C11orf65: variants seen among roughly 807,000 people sequenced by gnomAD.
C11orf65 encodes the protein protein MFI.
C11orf65 carries 38 observed loss-of-function variants against 35.3 expected under a neutral mutation model. The ratio of observed to expected loss-of-function variants is 1.08; its 90% confidence interval spans 0.83 to 1.41. The LOEUF is 1.41. C11orf65 is among the 40% of genes most tolerant of loss of function. The pLI is 0.00. For synonymous variants in C11orf65, 105 were observed against 114.4 expected, an observed-to-expected ratio of 0.92 and a Z score of 0.53; for missense variants, 370 against 367.1, an observed-to-expected ratio of 1.01 and a Z score of -0.06.
intron 2 of C11orf65, among the ~76,000 whole-genome samples, chr11:108,374,627 G>C (rs1433274195): frequency 6.6e-6 from 1 of 152,240 alleles, no homozygotes; most frequent in African/African-American, 2.4e-5. Context: ...ATGGAACAAA[G>C]CTGGATGGAG....
In C11orf65 at chr11:108,431,805, T is replaced by A. The variant is rs765276152; in HGVS notation, c.115A>T (p.Ile39Phe). The A allele has an allele frequency of 7.9e-6, 12 of 1,527,946 alleles. No individual in the cohort carries two copies. Among genetic ancestry groups the A allele is most frequent in the Admixed American group, 1.8e-5 (1 of 56,588 alleles). The allele number at this position is 1,527,946 out of a possible 1,614,324, so 94.6% of individuals were successfully genotyped here. A position where few individuals can be genotyped will look rare whatever the true frequency, so the allele number is the denominator to read the frequency against. ...GGTTCTCCTTGTCTTCTTAAATCAA[T>A]CAGACTTTTAAAGTGTTGAAATATA... ...VAIFQHFKSL[I>F]DLRRQGEPRQ... Residue 39 changes from isoleucine to phenylalanine, a missense_variant, in exon 3 of 9, where the codon ATT becomes TTT. Transcript: ENST00000393084.
At chr11:108,404,958 C>T (rs2092512666) in intron 6 of C11orf65, among the ~76,000 whole-genome samples, 2 of 152,136 alleles carry the variant, frequency 1.3e-5, no homozygotes, top group South Asian at 2.1e-4. Context: ...GGTAACAGAC[C>T]GGGCCGAAGG....
At chr11:108,338,406 G>A (rs2087095006) in intron 2 of C11orf65, among the ~76,000 whole-genome samples, 2 of 152,266 alleles carry the variant, frequency 1.3e-5, no homozygotes, top group Non-Finnish European at 2.9e-5. Context: ...TGTAATCTCA[G>A]CACTTTGAGA....
In C11orf65 at chr11:108,343,308, T is replaced by C. The variant is rs372834825; in HGVS notation, c.227-8016A>G. 16 of 1,613,960 alleles carry C rather than the reference T, an allele frequency of 9.9e-6. No homozygotes were observed. The East Asian group carries it at 2.2e-4, about 22-fold the overall frequency. On this transcript the variant is annotated intron_variant, in intron 2 of 3. Coordinates refer to the C11orf65 transcript ENST00000524755. Reference sequence around the variant, plus strand: ...GTGAATTTCTTGTTAACAATGAAGATGGTGCTCATAAAAGATACAGGCCAA... The same window carrying C: ...GTGAATTTCTTGTTAACAATGAAGACGGTGCTCATAAAAGATACAGGCCAA...
chr11:108,346,020 G>C, intron 2 of C11orf65: 1 of 1,257,114 alleles, frequency 8.0e-7, no homozygotes, highest in South Asian at 1.2e-5. Flanking sequence ...TGATAGTGAT[G>C]ATGTGGTTAG....
chr11:108,383,553 T>A (rs1161471019), intron 8 of C11orf65, among the ~76,000 whole-genome samples: 1 of 152,238 alleles, frequency 6.6e-6, no homozygotes, highest in African/African-American at 2.4e-5. Context: ...ACTTAGAGCA[T>A]CTGGTATTTA....
At chr11:108,358,638 A>G (rs1476539902) in intron 2 of C11orf65, among the ~76,000 whole-genome samples, 2 of 143,420 alleles carry the variant, frequency 1.4e-5, no homozygotes, top group African/African-American at 5.2e-5. Flanking sequence ...GGGGGCCAAT[A>G]TTCAACATTC....
chr11:108,427,353 C>T (rs1386624576), intron 3 of C11orf65, among the ~76,000 whole-genome samples: 1 of 149,322 alleles, frequency 6.7e-6, no homozygotes, highest in Non-Finnish European at 1.5e-5. Context: ...AAAAAAAAAA[C>T]CCCACCAAAA....
At chr11:108,377,745 C>T (rs1591419343) in intron 2 of C11orf65, among the ~76,000 whole-genome samples, 1 of 151,630 alleles carries the variant, frequency 6.6e-6, no homozygotes, top group East Asian at 1.9e-4. Context: ...CTGTCTCAGC[C>T]CAAAATCTCC....
At chr11:108,348,780 CAAAG>C (rs892719163) in intron 2 of C11orf65, among the ~76,000 whole-genome samples, 4 of 151,752 alleles carry the variant, frequency 2.6e-5, no homozygotes, top group African/African-American at 9.7e-5. Context: ...CACTATAAAA[CAAAG>C]AAGAAAACCC....
intron 2 of C11orf65, among the ~76,000 whole-genome samples, chr11:108,357,770 A>G (rs1169128671): frequency 1.3e-5 from 2 of 152,164 alleles, no homozygotes; most frequent in African/African-American, 2.4e-5. Flanking sequence ...AACAGAAAGG[A>G]TATCCACACC....
intron 2 of C11orf65, among the ~76,000 whole-genome samples, chr11:108,447,988 A>G (rs1485965575): frequency 1.3e-5 from 2 of 152,248 alleles, no homozygotes; most frequent in Non-Finnish European, 2.9e-5. Context: ...AACTACCATC[A>G]GAGAATACTA....
chr11:108,331,676 T>C, intron 3 of C11orf65: 1 of 1,376,140 alleles, frequency 7.3e-7, no homozygotes, highest in Non-Finnish European at 9.7e-7. Context: ...TTGTATTTTT[T>C]GTCTTCTCAC....
Position 108,382,787 on chromosome 11 carries a change from T to G in C11orf65, c.*234A>C, listed in dbSNP as rs1387265902. Reference sequence around the variant, plus strand: ...TAAATGTAGTCTCTTTACTTAAGTGTGACTGTTAGAATACTACAGTTTCTC... The same window carrying G: ...TAAATGTAGTCTCTTTACTTAAGTGGGACTGTTAGAATACTACAGTTTCTC... On this transcript the variant is annotated 3_prime_UTR_variant, in exon 9 of 9. Coordinates refer to ENST00000393084, the MANE Select transcript of C11orf65 (RefSeq NM_152587.5). 4 of 984,228 alleles carry G rather than the reference T, an allele frequency of 4.1e-6. No homozygotes were observed. Among genetic ancestry groups the G allele is most frequent in the Non-Finnish European group, 3.6e-6 (3 of 828,848 alleles). 61.0% of individuals were successfully genotyped at this position (984,228 alleles called of 1,614,324 possible). A position where few individuals can be genotyped will look rare whatever the true frequency, so the allele number is the denominator to read the frequency against.
At chr11:108,381,864 T>A (rs1449052941), downstream of C11orf65, among the ~76,000 whole-genome samples, 1 of 152,150 alleles carries the variant, frequency 6.6e-6, no homozygotes, top group African/African-American at 2.4e-5. Flanking sequence ...TTCTAATTAA[T>A]AGAATAGGGC....
intron 6 of C11orf65, among the ~76,000 whole-genome samples, chr11:108,322,675 A>C (rs1022816321): frequency 6.6e-6 from 1 of 152,094 alleles, no homozygotes; most frequent in Non-Finnish European, 1.5e-5. Flanking sequence ...TTAGCCCTAG[A>C]GAATTGTGCT....
intron 3 of C11orf65, among the ~76,000 whole-genome samples, chr11:108,332,417 A>G (rs1427292599): frequency 6.6e-6 from 1 of 152,096 alleles, no homozygotes. Context: ...GGGCAACAAG[A>G]GCGAAACTCT....
intron 2 of C11orf65, among the ~76,000 whole-genome samples, chr11:108,440,454 T>G (rs918114655): frequency 6.6e-6 from 1 of 152,214 alleles, no homozygotes; most frequent in Non-Finnish European, 1.5e-5. Flanking sequence ...ATCAAGGACC[T>G]GCATTCTAGC....
chr11:108,349,654 CTG>C (rs913671546), intron 2 of C11orf65, among the ~76,000 whole-genome samples: 86 of 151,768 alleles, frequency 5.7e-4, no homozygotes, highest in African/African-American at 2.1e-3. Flanking sequence ...CAGAGCAAGA[CTG>C]TCTCAAAAAA....
Sources: allele counts gnomAD v4.1 joint callset (sites outside exome capture counted in the v4.1 genomes callset), GRCh38; gene constraint gnomAD v4.1.1; transcripts MANE v1.5; gene names NCBI Gene and HGNC (gene_info 2026-07-23, HGNC 2026-07-21).